The following PARP1 variants were observed in gnomAD, a reference collection of about 807,000 sequenced individuals.
PARP1 encodes poly [ADP-ribose] polymerase 1.
Under a neutral mutation model 118.7 loss-of-function variants are expected in PARP1, and 44 were observed. The observed-to-expected ratio is 0.37, with a 90% CI of 0.29 to 0.48. The LOEUF (loss-of-function observed/expected upper bound fraction) is 0.48, where lower values mean the gene tolerates loss of function less well. Among genes scored for constraint, PARP1 ranks in the 20% least tolerant of loss-of-function variants. The pLI is 0.99. For missense variants in PARP1, 1,100 were observed against 1,272.4 expected (o/e 0.86, Z 2.06); for synonymous variants, 492 against 483.2 (o/e 1.02, Z -0.24).
At chr1:226,404,725 A>T (rs1298076894) in intron 1 of PARP1, among the ~76,000 whole-genome samples, 1 of 151,890 alleles carries the variant, frequency 6.6e-6, no homozygotes, top group African/African-American at 2.4e-5. Flanking sequence ...AAGACTATCG[A>T]CTCCATTTGT....
rs1475214810 is a variant in PARP1 at position 226,368,330 on chromosome 1, G to A, written c.2155-9C>T. On this transcript the variant is annotated splice_polypyrimidine_tract_variant and intron_variant, in intron 15 of 22. Transcript: ENST00000366794. Reference sequence around the variant, plus strand: ...CTGCCCTGAGACACCGCCTGGAGAGGAGGGGACAGAAGGAATGCAAGACTG... The same window carrying A: ...CTGCCCTGAGACACCGCCTGGAGAGAAGGGGACAGAAGGAATGCAAGACTG... The A allele has an allele frequency of 8.1e-6, 13 of 1,614,162 alleles. 1 individual carries two copies. The South Asian group carries it at 1.3e-4, about 16-fold the overall frequency.
At chr1:226,385,779 C>T (rs761220430) in intron 6 of PARP1, 99 bp from the exon 7 acceptor site, 20 of 1,099,290 alleles carry the variant, frequency 1.8e-5, no homozygotes, top group Admixed American at 5.3e-5. Flanking sequence ...ATTCCACTCA[C>T]TACAAAGAAG....
At position 226,360,838 on chromosome 1, in the gene PARP1, G is replaced by A. The variant is rs1664119852; in HGVS notation, c.*622C>T. 2 of 228,144 alleles carry A rather than the reference G, an allele frequency of 8.8e-6. No homozygotes were observed. 14.1% of individuals were successfully genotyped at this position (228,144 alleles called of 1,614,324 possible). ...ACTTTTAATACTACATATTTCAAGA[G>A]CTCCCATGTTCAGTATTCCTGGAGA... On this transcript the variant is annotated 3_prime_UTR_variant, in exon 23 of 23. Coordinates refer to ENST00000366794, the MANE Select transcript of PARP1 (RefSeq NM_001618.4).
chr1:226,363,026 G>T, intron 21 of PARP1, 73 bp downstream of exon 21: 1 of 1,050,850 alleles, frequency 9.5e-7, no homozygotes, highest in Non-Finnish European at 1.5e-6. Flanking sequence ...AGCCTTCTCA[G>T]GACAGCAAGC....
At chr1:226,368,091 C>T (rs916061964) in intron 16 of PARP1, 108 bp downstream of exon 16, 1 of 1,477,986 alleles carries the variant, frequency 6.8e-7, no homozygotes. Context: ...GAGGGTGGCC[C>T]TCCCAGCATT....
At chr1:226,377,370 T>C in intron 12 of PARP1, 67 bp from the exon 13 acceptor site, 1 of 1,191,926 alleles carries the variant, frequency 8.4e-7, no homozygotes, top group Non-Finnish European at 1.3e-6. Flanking sequence ...GGAGCTCCCC[T>C]TTCCTGCCAT....
At chr1:226,396,917 A>G (rs958016254) in intron 2 of PARP1, among the ~76,000 whole-genome samples, 1 of 152,112 alleles carries the variant, frequency 6.6e-6, no homozygotes, top group Non-Finnish European at 1.5e-5. Context: ...TATTTAAATT[A>G]TAACTAGATA....
At chr1:226,378,532 C>A (rs534070472) in intron 12 of PARP1, among the ~76,000 whole-genome samples, 1 of 152,136 alleles carries the variant, frequency 6.6e-6, no homozygotes, top group Non-Finnish European at 1.5e-5. Flanking sequence ...ATCAGAAAAT[C>A]TTGATTCAAG....
At position 226,389,373 on chromosome 1, in the gene PARP1, A is replaced by T. The variant is rs189125875; in HGVS notation, c.618-618T>A. Among the ~76,000 whole-genome samples the T allele has an allele frequency of 1.7e-4, 26 of 152,360 alleles. No homozygotes were observed. The East Asian group carries it at 2.7e-3, about 16-fold the overall frequency. On this transcript the variant is annotated intron_variant, in intron 4 of 22. Transcript: ENST00000366794. The stretch of plus-strand genomic sequence containing the variant: ...TCACCTGCCCCCAAAATACAGGCGC[A>T]GGACAGCCGCAGTGGTCTGTCAGTC...
intron 2 of PARP1, among the ~76,000 whole-genome samples, chr1:226,399,434 T>G (rs1664985054): frequency 6.6e-6 from 1 of 152,122 alleles, no homozygotes; most frequent in Non-Finnish European, 1.5e-5. Flanking sequence ...GGCTACCTTC[T>G]GTATGATTCC....
chr1:226,370,817 A>G (rs961059053), intron 14 of PARP1: 1 of 425,918 alleles, frequency 2.3e-6, no homozygotes, highest in Non-Finnish European at 4.4e-6. Context: ...GATATAGCAT[A>G]ATTCCCATCC....
chr1:226,364,896 G>A (rs1664226102), intron 19 of PARP1, 106 bp downstream of exon 19: 1 of 1,256,170 alleles, frequency 8.0e-7, no homozygotes, highest in Non-Finnish European at 1.2e-6. Context: ...AAGAAAGGAT[G>A]TCTGGCAGAA....
chr1:226,384,736 C>G (rs11808699), intron 7 of PARP1, among the ~76,000 whole-genome samples: 3,070 of 152,298 alleles, frequency 0.02, 114 homozygotes, highest in African/African-American at 0.07. Context: ...TGGCAGTGAA[C>G]AAGTGAGCCA....
chr1:226,363,887 G>T, intron 20 of PARP1, 56 bp downstream of exon 20: 1 of 1,599,898 alleles, frequency 6.3e-7, no homozygotes, highest in Non-Finnish European at 8.6e-7. Flanking sequence ...TCTGCCTATA[G>T]CCCATTCCAC....
intron 13 of PARP1, among the ~76,000 whole-genome samples, chr1:226,376,838 G>A (rs1316730326): frequency 6.6e-6 from 1 of 152,148 alleles, no homozygotes; most frequent in Non-Finnish European, 1.5e-5. Context: ...TATTCATAGG[G>A]TTTCTGCATG....
chr1:226,379,284 A>G lies in PARP1; in HGVS notation c.1613-10T>C. ...GCAGAGTGTTCCAGTCCTGTCCCAGAGGAAAAGCACCTACAGTTTTCTCTC... is the reference window on the plus strand; with the variant it reads ...GCAGAGTGTTCCAGTCCTGTCCCAGGGGAAAAGCACCTACAGTTTTCTCTC... On this transcript the variant is annotated splice_polypyrimidine_tract_variant and intron_variant, in intron 11 of 22. Transcript: ENST00000366794. 2.5e-6 allele frequency: 4 copies of G among 1,614,224 alleles called. No individual in the cohort carries two copies. The highest frequency in any genetic ancestry group is 3.4e-6 in the Non-Finnish European group (4 of 1,180,038).
At chr1:226,405,953 A>G (rs1381571671) in intron 1 of PARP1, among the ~76,000 whole-genome samples, 2 of 152,204 alleles carry the variant, frequency 1.3e-5, no homozygotes, top group East Asian at 3.8e-4. Flanking sequence ...CCATCTCAAA[A>G]AACAAAACAA....
At chr1:226,379,714 A>G in intron 10 of PARP1, 73 bp from the exon 11 acceptor site, 2 of 1,382,166 alleles carry the variant, frequency 1.4e-6, no homozygotes, top group Admixed American at 1.7e-5. Context: ...TAGAAGGCAA[A>G]TGAGTTGTTC....
intron 2 of PARP1, among the ~76,000 whole-genome samples, chr1:226,396,595 A>C (rs1409854446): frequency 6.6e-6 from 1 of 152,196 alleles, no homozygotes; most frequent in African/African-American, 2.4e-5. Context: ...CATATATCTA[A>C]AAATAGTAAG....
Sources: gnomAD v4.1 joint callset for allele counts (sites outside exome capture counted in the v4.1 genomes callset) on GRCh38, gnomAD v4.1.1 for gene constraint, MANE v1.5 for transcripts, NCBI Gene and HGNC (gene_info 2026-07-23, HGNC 2026-07-21) for gene names.